SLIT1: variants seen among roughly 807,000 people sequenced by gnomAD.
The protein encoded by SLIT1 is slit guidance ligand 1, also known as slit homolog 1 protein.
A neutral mutation model predicts 186.1 loss-of-function variants in SLIT1; 66 were observed. The observed-to-expected ratio is 0.35, with a 90% CI of 0.29 to 0.44. The LOEUF (loss-of-function observed/expected upper bound fraction) is 0.44, where lower values mean the gene tolerates loss of function less well. Ranked by LOEUF, SLIT1 falls within the 20% of genes least tolerant of loss-of-function variation. The probability of loss-of-function intolerance (pLI) is 1.00; values close to 1 mark genes in which losing one functional copy is unlikely to be tolerated. For synonymous variants in SLIT1, 761 were observed against 833.8 expected (o/e 0.91, Z 1.50); for missense variants, 1,638 against 2,037.4 (o/e 0.80, Z 3.77).
At chr10:97,130,625 T>G (rs1849644127) in intron 4 of SLIT1, among the ~76,000 whole-genome samples, 1 of 152,222 alleles carries the variant, frequency 6.6e-6, no homozygotes, top group Admixed American at 6.5e-5. Flanking sequence ...CTGCCTAGGT[T>G]CAAGTCCTGG....
chr10:97,166,569 G>GAGAA lies in SLIT1; in HGVS notation c.198-1683_198-1680dup, dbSNP rs1554854785. The stretch of plus-strand genomic sequence containing the variant: ...AAGGAAGGAAGGAAAGAGAGAGAGA[G>GAGAA]AGAAAGAAAGAAAGAAAGAAAGAAA... On this transcript the variant is annotated intron_variant, in intron 1 of 36. Coordinates refer to ENST00000266058, the MANE Select transcript of SLIT1 (RefSeq NM_003061.3). 3.3e-3 allele frequency among the ~76,000 whole-genome samples: 194 copies of GAGAA among 58,928 alleles called. 8 individuals carry two copies. Among genetic ancestry groups the GAGAA allele is most frequent in the Admixed American group, 0.01 (54 of 5,266 alleles). 38.7% of individuals were successfully genotyped at this position (58,928 alleles called of 152,430 possible).
intron 4 of SLIT1, among the ~76,000 whole-genome samples, chr10:97,130,069 A>T (rs1023331442): frequency 6.6e-6 from 1 of 152,260 alleles, no homozygotes; most frequent in Non-Finnish European, 1.5e-5. Flanking sequence ...CGCCAGGAAC[A>T]GGAGCCAAGT....
At chr10:97,099,586 C>A (rs1441912194) in intron 4 of SLIT1, among the ~76,000 whole-genome samples, 1 of 152,164 alleles carries the variant, frequency 6.6e-6, no homozygotes, top group Non-Finnish European at 1.5e-5. Flanking sequence ...TGTGGCCTGG[C>A]CCCCTTTCTC....
intron 25 of SLIT1, among the ~76,000 whole-genome samples, chr10:97,024,349 G>A (rs982778117): frequency 6.6e-6 from 1 of 152,156 alleles, no homozygotes; most frequent in Non-Finnish European, 1.5e-5. Context: ...GCGACCTTGA[G>A]TGGCTCCCTT....
intron 8 of SLIT1, among the ~76,000 whole-genome samples, chr10:97,062,918 G>T (rs1042844386): frequency 2.0e-5 from 3 of 152,230 alleles, no homozygotes; most frequent in Non-Finnish European, 2.9e-5. Context: ...CAGAACCCCA[G>T]GGGGAAGGTG....
intron 1 of SLIT1, among the ~76,000 whole-genome samples, chr10:97,176,606 T>G (rs576108097): frequency 6.6e-6 from 1 of 152,350 alleles, no homozygotes; most frequent in African/African-American, 2.4e-5. Flanking sequence ...GAAACTGCTC[T>G]GCCCACTTTA....
chr10:97,139,624 C>T (rs898102696), intron 4 of SLIT1, among the ~76,000 whole-genome samples: 3 of 152,178 alleles, frequency 2.0e-5, no homozygotes, highest in African/African-American at 7.2e-5. Context: ...AAGCTGTAAA[C>T]GTCCAAATCC....
chr10:97,055,461 A>G (rs925615119), intron 13 of SLIT1, among the ~76,000 whole-genome samples: 2 of 152,052 alleles, frequency 1.3e-5, no homozygotes, highest in Non-Finnish European at 2.9e-5. Flanking sequence ...TCCTGGGCTC[A>G]AGCAATCATC....
At chr10:97,061,003 T>G (rs774112393) in intron 8 of SLIT1, among the ~76,000 whole-genome samples, 7 of 152,222 alleles carry the variant, frequency 4.6e-5, no homozygotes, top group Non-Finnish European at 1.0e-4. Context: ...TTGCTGAACT[T>G]GAATCTGAAC....
chr10:97,013,636 T>A lies in SLIT1; in HGVS notation c.3203+105A>T, dbSNP rs562512605. 4.9e-6 allele frequency: 4 copies of A among 822,192 alleles called. No individual in the cohort carries two copies. In the East Asian group the frequency reaches 1.1e-4, roughly 22 times the overall value. The allele number at this position is 822,192 out of a possible 1,614,324, so 50.9% of individuals were successfully genotyped here. ...CCCTGTAGAGCTGAGACCAAACCCATTGGACAAATGAGGGAATGAGGGTGG... is the reference window on the plus strand; with the variant it reads ...CCCTGTAGAGCTGAGACCAAACCCAATGGACAAATGAGGGAATGAGGGTGG... On this transcript the variant is annotated intron_variant, in intron 30 of 36. Transcript: ENST00000266058.
chr10:97,161,284 A>C (rs1278249638), intron 3 of SLIT1, among the ~76,000 whole-genome samples: 1 of 152,134 alleles, frequency 6.6e-6, no homozygotes, highest in South Asian at 2.1e-4. Flanking sequence ...GGTCATTAAC[A>C]TGTATTTTAT....
intron 4 of SLIT1, among the ~76,000 whole-genome samples, chr10:97,080,117 T>G (rs1280620654): frequency 1.3e-5 from 2 of 152,210 alleles, no homozygotes; most frequent in African/African-American, 4.8e-5. Context: ...CCTTTGCATC[T>G]GCTACCAATG....
chr10:97,026,493 T>TAAAC (rs201071704), intron 25 of SLIT1, among the ~76,000 whole-genome samples: 1 of 140,928 alleles, frequency 7.1e-6, no homozygotes, highest in East Asian at 1.9e-4. Flanking sequence ...AATAAATAAA[T>TAAAC]AAATAAATGT....
chr10:97,057,581 G>A (rs1848852818), intron 11 of SLIT1, among the ~76,000 whole-genome samples: 1 of 152,256 alleles, frequency 6.6e-6, no homozygotes, highest in Admixed American at 6.5e-5. Context: ...AGGCTGCAAA[G>A]GGGCACTTCC....
rs371979178 is a variant in SLIT1 at position 97,004,117 on chromosome 10, G to C, written c.3816C>G (p.Asn1272Lys). 10 of 1,613,652 alleles carry C rather than the reference G, an allele frequency of 6.2e-6. No individual in the cohort carries two copies. The highest frequency in any genetic ancestry group is 1.7e-5 in the Admixed American group (1 of 60,004). ...TGTTGAGCGTGTAATGTTTGCCAAA[G>C]TTGTCCATGGTCATGGGGCTCCCGC... Reference protein sequence around the residue: ...IDGGSPMTMDNFGKHYTLNSE... With the variant: ...IDGGSPMTMDKFGKHYTLNSE... Residue 1272 changes from asparagine (N) to lysine (K), a missense_variant, in exon 34 of 37, where the codon AAC (asparagine) becomes AAG (lysine). Asn to Lys is a moderately conservative substitution (Grantham distance 94, BLOSUM62 0). Coordinates refer to ENST00000266058, the MANE Select transcript of SLIT1 (RefSeq NM_003061.3). The surrounding 1 kb of genome is among the most constrained non-coding windows in gnomAD (Gnocchi z 5.1).
Position 97,089,729 on chromosome 10 carries a change from G to A in SLIT1, c.414-23643C>T, listed in dbSNP as rs897039151. On this transcript the variant is annotated intron_variant, in intron 4 of 36. Transcript: ENST00000266058. Reference sequence around the variant, plus strand: ...CTGAGGGATCAAGGCCAGCAGGGACGGCCTGTCATCGTGGAGGGGTGGGGT... The same window carrying A: ...CTGAGGGATCAAGGCCAGCAGGGACAGCCTGTCATCGTGGAGGGGTGGGGT... Among the ~76,000 whole-genome samples the A allele has an allele frequency of 3.3e-5, 5 of 152,192 alleles. No individual in the cohort carries two copies. In the East Asian group the frequency reaches 7.7e-4, roughly 24 times the overall value.
intron 4 of SLIT1, among the ~76,000 whole-genome samples, chr10:97,109,751 C>G (rs1296114039): frequency 6.6e-6 from 1 of 152,166 alleles, no homozygotes; most frequent in Non-Finnish European, 1.5e-5. Context: ...TGTGCCTGAT[C>G]AGTCATCTCA....
intron 1 of SLIT1, among the ~76,000 whole-genome samples, chr10:97,165,562 G>A (rs1446354354): frequency 2.0e-5 from 3 of 152,206 alleles, no homozygotes; most frequent in African/African-American, 7.2e-5. Flanking sequence ...GAGTAGCTGA[G>A]GGGTGAAGGG....
intron 4 of SLIT1, among the ~76,000 whole-genome samples, chr10:97,141,370 C>A (rs1199024177): frequency 6.6e-6 from 1 of 152,196 alleles, no homozygotes; most frequent in Non-Finnish European, 1.5e-5. Flanking sequence ...TCTACATTTT[C>A]TTTTCATCGC....
Sources: gnomAD v4.1 joint callset for allele counts (sites outside exome capture counted in the v4.1 genomes callset) on GRCh38, gnomAD v4.1.1 for gene constraint, Gnocchi (gnomAD v3.1) non-coding constraint, MANE v1.5 for transcripts, NCBI Gene and HGNC (gene_info 2026-07-23, HGNC 2026-07-21) for gene names.